The following SCHIP1 variants were observed in gnomAD, a reference collection of about 807,000 sequenced individuals.
SCHIP1 encodes schwannomin-interacting protein 1.
In SCHIP1, 8 loss-of-function variants were observed where a neutral mutation model predicts 29.7. The observed-to-expected ratio is 0.27, with a 90% CI of 0.16 to 0.49. The LOEUF is 0.49. SCHIP1 is among the 20% of genes least tolerant of loss of function. The pLI is 0.99. For synonymous variants in SCHIP1, 76 were observed against 94.9 expected (o/e 0.80, Z 1.16); for missense variants, 193 against 294.6 (o/e 0.66, Z 2.52).
chr3:159,697,023 G>T, the SCHIP1 span, among the ~76,000 whole-genome samples: 1 of 152,190 alleles, frequency 6.6e-6, no homozygotes, highest in Non-Finnish European at 1.5e-5. Flanking sequence ...AAAGGCCATT[G>T]AACGATTTTA....
chr3:159,718,296 G>A, the SCHIP1 span, among the ~76,000 whole-genome samples: 3 of 152,110 alleles, frequency 2.0e-5, no homozygotes, highest in Non-Finnish European at 4.4e-5. Flanking sequence ...GTAAAAACTG[G>A]AAGCATTCCC....
At chr3:159,427,163 C>T in the SCHIP1 span, among the ~76,000 whole-genome samples, 1 of 151,976 alleles carries the variant, frequency 6.6e-6, no homozygotes, top group Non-Finnish European at 1.5e-5. Context: ...CCTCTCTCAC[C>T]ACTCCTATTC....
At chr3:159,712,276 A>C in the SCHIP1 span, among the ~76,000 whole-genome samples, 1 of 152,224 alleles carries the variant, frequency 6.6e-6, no homozygotes, top group Non-Finnish European at 1.5e-5. Context: ...GGGAGTGACA[A>C]TATGTAGAAT....
At chr3:159,348,638 G>T in the SCHIP1 span, among the ~76,000 whole-genome samples, 1 of 152,118 alleles carries the variant, frequency 6.6e-6, no homozygotes, top group Non-Finnish European at 1.5e-5. Flanking sequence ...CGTCAGAAAT[G>T]CCAGGAAGAA....
chr3:159,710,176 T>C, the SCHIP1 span, among the ~76,000 whole-genome samples: 60 of 152,302 alleles, frequency 3.9e-4, no homozygotes, highest in East Asian at 0.011. Flanking sequence ...AGCCAAGATA[T>C]AGAACCAACC....
At chr3:159,431,467 G>A in the SCHIP1 span, among the ~76,000 whole-genome samples, 2 of 152,242 alleles carry the variant, frequency 1.3e-5, no homozygotes, top group East Asian at 1.9e-4. Flanking sequence ...GATAAAAGAG[G>A]TGTTTATATG....
At chr3:159,608,476 T>C in the SCHIP1 span, among the ~76,000 whole-genome samples, 1 of 152,234 alleles carries the variant, frequency 6.6e-6, no homozygotes, top group African/African-American at 2.4e-5. Flanking sequence ...TGTCCGTCTG[T>C]TCCCTTTTAC....
the SCHIP1 span, among the ~76,000 whole-genome samples, chr3:159,618,121 A>G: frequency 6.6e-6 from 1 of 152,234 alleles, no homozygotes; most frequent in Admixed American, 6.5e-5. Flanking sequence ...CTGTGTAGGT[A>G]TGCTGTACTT....
Position 159,861,609 on chromosome 3 carries a change from G to C in SCHIP1, c.31-4554G>C, listed in dbSNP as rs933815183. ...ACAGATGAGGACAAAAACTTCCTGG[G>C]GCTGAATAGCGGTGAGTTTCTAATC... On this transcript the variant is annotated intron_variant, in intron 1 of 6. Transcript: ENST00000445224. The surrounding 1 kb of genome is among the most constrained non-coding windows in gnomAD (Gnocchi z 4.1). Among the ~76,000 whole-genome samples, 7 of 152,160 alleles carry C rather than the reference G, an allele frequency of 4.6e-5. No homozygotes were observed. The highest frequency in any genetic ancestry group is 2.0e-4 in the Admixed American group (3 of 15,276).
chr3:159,285,408 C>A, the SCHIP1 span, among the ~76,000 whole-genome samples: 4,164 of 152,136 alleles, frequency 0.027, 193 homozygotes, highest in African/African-American at 0.096. Flanking sequence ...CTCAACATTT[C>A]TGAGTTATTT....
chr3:159,508,234 A>G, the SCHIP1 span, among the ~76,000 whole-genome samples: 1 of 152,068 alleles, frequency 6.6e-6, no homozygotes, highest in South Asian at 2.1e-4. Flanking sequence ...TTTCCTCTAG[A>G]TTTTCTAGTT....
At chr3:159,375,842 G>T in the SCHIP1 span, 1 of 710,314 alleles carries the variant, frequency 1.4e-6, no homozygotes, top group African/African-American at 1.9e-5. Flanking sequence ...TCAATGAAAG[G>T]ATTTGGAAGT....
chr3:159,472,891 A>G, the SCHIP1 span, among the ~76,000 whole-genome samples: 1 of 152,216 alleles, frequency 6.6e-6, no homozygotes, highest in East Asian at 1.9e-4. Context: ...GTGGAGTCAC[A>G]CAGTGGGTTG....
chr3:159,781,219 A>G, the SCHIP1 span, among the ~76,000 whole-genome samples: 31 of 152,134 alleles, frequency 2.0e-4, no homozygotes, highest in Non-Finnish European at 4.3e-4. Context: ...CTTGTTGCCC[A>G]GGCTGGAGTG....
the SCHIP1 span, among the ~76,000 whole-genome samples, chr3:159,317,034 A>T: frequency 3.3e-5 from 5 of 152,012 alleles, no homozygotes; most frequent in Non-Finnish European, 5.9e-5. Context: ...AGTAACCTAA[A>T]CCTTCATACC....
the SCHIP1 span, among the ~76,000 whole-genome samples, chr3:159,684,558 C>A: frequency 2.0e-5 from 3 of 152,074 alleles, no homozygotes; most frequent in African/African-American, 7.2e-5. Flanking sequence ...GTAATCCCAG[C>A]ACTTTGGGAG....
the SCHIP1 span, among the ~76,000 whole-genome samples, chr3:159,350,277 G>A: frequency 1.3e-4 from 20 of 152,152 alleles, no homozygotes; most frequent in Non-Finnish European, 2.5e-4. Flanking sequence ...TGACCTCAAA[G>A]CCCACATTCA....
the SCHIP1 span, among the ~76,000 whole-genome samples, chr3:159,577,071 T>A: frequency 6.6e-6 from 1 of 152,178 alleles, no homozygotes; most frequent in African/African-American, 2.4e-5. Flanking sequence ...TTTTCCATTG[T>A]CCTGGTTAGA....
At chr3:159,588,451 C>G in the SCHIP1 span, among the ~76,000 whole-genome samples, 33 of 152,298 alleles carry the variant, frequency 2.2e-4, no homozygotes, top group Middle Eastern at 0.014. Context: ...TTTTGCTGTG[C>G]AGAAGCTCTT....
Sources: gnomAD v4.1 joint callset for allele counts (sites outside exome capture counted in the v4.1 genomes callset) on GRCh38, gnomAD v4.1.1 for gene constraint, Gnocchi (gnomAD v3.1) non-coding constraint, MANE v1.5 for transcripts, NCBI Gene and HGNC (gene_info 2026-07-23, HGNC 2026-07-21) for gene names.